The following KCNH7 variants were observed in gnomAD, a reference collection of about 807,000 sequenced individuals.
KCNH7 encodes the protein voltage-gated inwardly rectifying potassium channel KCNH7.
A neutral mutation model predicts 120.8 loss-of-function variants in KCNH7; 49 were observed. That is an observed-to-expected ratio of 0.41 (90% CI 0.32 to 0.51). The LOEUF is 0.51. Among genes scored for constraint, KCNH7 ranks in the 20% least tolerant of loss-of-function variants. The pLI is 0.38. For missense variants in KCNH7, 1,097 were observed against 1,446.6 expected (o/e 0.76, Z 3.92); for synonymous variants, 547 against 516.1 (o/e 1.06, Z -0.81).
chr2:162,820,414 G>C (rs1240695838), intron 2 of KCNH7, among the ~76,000 whole-genome samples: 1 of 151,798 alleles, frequency 6.6e-6, no homozygotes, highest in Admixed American at 6.6e-5. Context: ...CAAAATGAAG[G>C]GTACACCATA....
At chr2:162,686,061 G>T (rs1049569236) in intron 2 of KCNH7, among the ~76,000 whole-genome samples, 3 of 152,012 alleles carry the variant, frequency 2.0e-5, no homozygotes, top group African/African-American at 4.8e-5. Context: ...GAAATAAAGT[G>T]GGAAAGTGTA....
At chr2:162,399,061 C>A (rs1398112963) in intron 10 of KCNH7, among the ~76,000 whole-genome samples, 1 of 151,736 alleles carries the variant, frequency 6.6e-6, no homozygotes, top group Non-Finnish European at 1.5e-5. Context: ...TTGGAGAGAA[C>A]CATCATATGT....
chr2:162,657,585 C>T (rs1054334000), intron 2 of KCNH7, among the ~76,000 whole-genome samples: 2 of 152,110 alleles, frequency 1.3e-5, no homozygotes, highest in African/African-American at 4.8e-5. Context: ...TGTTTACCTA[C>T]ATAAAAAATA....
intron 6 of KCNH7, among the ~76,000 whole-genome samples, chr2:162,491,921 G>A (rs536246977): frequency 2.6e-4 from 39 of 152,146 alleles, no homozygotes; most frequent in South Asian, 8.3e-4. Context: ...TCTTCTCTTC[G>A]TGGATGGGTA....
At chr2:162,379,337 C>T (rs1686328478) in intron 14 of KCNH7, among the ~76,000 whole-genome samples, 2 of 152,254 alleles carry the variant, frequency 1.3e-5, no homozygotes, top group East Asian at 1.9e-4. Flanking sequence ...AAGATTTATT[C>T]ATCATGTTAA....
At chr2:162,571,217 G>A (rs1218302833) in intron 2 of KCNH7, among the ~76,000 whole-genome samples, 1 of 151,898 alleles carries the variant, frequency 6.6e-6, no homozygotes, top group African/African-American at 2.4e-5. Flanking sequence ...CAAAATCAAT[G>A]TACAAAAATC....
At chr2:162,734,093 T>C (rs1419744520) in intron 2 of KCNH7, among the ~76,000 whole-genome samples, 3 of 152,278 alleles carry the variant, frequency 2.0e-5, no homozygotes, top group Non-Finnish European at 2.9e-5. Flanking sequence ...GTTTTTTTTT[T>C]CTAAACTCAT....
chr2:162,657,847 G>A (rs924691076), intron 2 of KCNH7, among the ~76,000 whole-genome samples: 2 of 150,516 alleles, frequency 1.3e-5, no homozygotes, highest in Non-Finnish European at 2.9e-5. Flanking sequence ...AAATATAAAA[G>A]GCAAACTATA....
At chr2:162,780,890 T>C (rs2105493654) in intron 2 of KCNH7, among the ~76,000 whole-genome samples, 2 of 152,232 alleles carry the variant, frequency 1.3e-5, no homozygotes, top group Middle Eastern at 6.8e-3. Context: ...AGCTGTCACA[T>C]AAAAAGACTG....
chr2:162,752,993 G>GAAAAGAAAAGAAAAGAAAAGAAAAGA (rs1574343506), intron 2 of KCNH7, among the ~76,000 whole-genome samples: 1 of 133,894 alleles, frequency 7.5e-6, no homozygotes, highest in Admixed American at 7.3e-5. Flanking sequence ...GAAAAGAAAA[G>GAAAAGAAAAGAAAAGAAAAGAAAAGA]AAAAGAAAAG....
chr2:162,722,818 T>C (rs1163634535), intron 2 of KCNH7, among the ~76,000 whole-genome samples: 8 of 145,442 alleles, frequency 5.5e-5, no homozygotes, highest in African/African-American at 1.3e-4. Flanking sequence ...TTTTTCTTTT[T>C]TTTTTTTTTT....
chr2:162,450,091 C>A (rs1044479925), intron 6 of KCNH7, among the ~76,000 whole-genome samples: 2 of 151,948 alleles, frequency 1.3e-5, no homozygotes, highest in African/African-American at 2.4e-5. Context: ...GATTTACTTG[C>A]GTTATCATGA....
rs1439713806 is a variant in KCNH7, at chr2:162,446,291, G to A, written c.1281C>T (p.Tyr427=). The part of the protein sequence containing the change: ...LVIYTAIFTP[Y]SAAFLLNDRE... ...TGTCATTGAGGAGGAAGGCTGCAGAGTAGGGAGTAAATATAGCAGTGTATA... is the reference window on the plus strand; with the variant it reads ...TGTCATTGAGGAGGAAGGCTGCAGAATAGGGAGTAAATATAGCAGTGTATA... Residue 427 remains tyrosine (Y), a synonymous_variant, in exon 7 of 16, where the codon TAC becomes TAT. Coordinates refer to ENST00000332142, the MANE Select transcript of KCNH7 (RefSeq NM_033272.4). 1 of 1,613,944 alleles carries A rather than the reference G, an allele frequency of 6.2e-7. No homozygotes were observed. The highest frequency in any genetic ancestry group is 1.7e-5 in the Admixed American group (1 of 59,974).
At chr2:162,450,200 C>G (rs1274990768) in intron 6 of KCNH7, among the ~76,000 whole-genome samples, 9 of 151,982 alleles carry the variant, frequency 5.9e-5, no homozygotes, top group Non-Finnish European at 1.0e-4. Context: ...TTTTTCTTTA[C>G]TTAAGTTTAG....
At chr2:162,645,593 T>C (rs1234950992) in intron 2 of KCNH7, among the ~76,000 whole-genome samples, 1 of 152,212 alleles carries the variant, frequency 6.6e-6, no homozygotes, top group Non-Finnish European at 1.5e-5. Context: ...AAGACATTGC[T>C]CTTCAGATTT....
Position 162,423,360 on chromosome 2 carries a change from G to A in KCNH7, c.2130C>T (p.Tyr710=), listed in dbSNP as rs541229153. Residue 710 remains tyrosine (Y), a synonymous_variant, in exon 9 of 16, where the codon TAC becomes TAT. Transcript: ENST00000332142. The stretch of plus-strand genomic sequence containing the variant: ...CCATGTTCATGTCAATGCCATTGGT[G>A]TAAGTCCATGCGTGCTGGAAATATT... ...LEEYFQHAWT[Y]TNGIDMNMVL... is the part of the protein sequence containing the mutation. 3.1e-6 allele frequency: 5 copies of A among 1,614,118 alleles called. No individual in the cohort carries two copies. The highest frequency in any genetic ancestry group is 2.7e-5 in the African/African-American group (2 of 75,052).
At chr2:162,632,579 G>A (rs1295328955) in intron 2 of KCNH7, among the ~76,000 whole-genome samples, 1 of 151,770 alleles carries the variant, frequency 6.6e-6, no homozygotes, top group African/African-American at 2.4e-5. Flanking sequence ...AAAGAACGGT[G>A]TCTAAAAAGA....
At chr2:162,629,189 G>A (rs1385858) in intron 2 of KCNH7, among the ~76,000 whole-genome samples, 2 of 151,864 alleles carry the variant, frequency 1.3e-5, no homozygotes, top group Non-Finnish European at 2.9e-5. Context: ...ATGTATGGCC[G>A]TGGTGAGTGG....
At chr2:162,581,418 T>C (rs961184117) in intron 2 of KCNH7, among the ~76,000 whole-genome samples, 2 of 152,118 alleles carry the variant, frequency 1.3e-5, no homozygotes, top group African/African-American at 2.4e-5. Flanking sequence ...CAATCACTAC[T>C]ATAACAGCTG....
Sources: allele counts gnomAD v4.1 joint callset (sites outside exome capture counted in the v4.1 genomes callset), GRCh38; gene constraint gnomAD v4.1.1; transcripts MANE v1.5; gene names NCBI Gene and HGNC (gene_info 2026-07-23, HGNC 2026-07-21).